TNIP3: variants seen among roughly 807,000 people sequenced by gnomAD.
The protein encoded by TNIP3 is TNFAIP3 interacting protein 3.
Under a neutral mutation model 54.1 loss-of-function variants are expected in TNIP3, and 34 were observed. The observed-to-expected ratio is 0.63, with a 90% confidence interval of 0.48 to 0.84. The LOEUF is 0.84. Among genes scored for constraint, TNIP3 ranks in the 40% least tolerant of loss-of-function variants. The pLI is 0.00. For missense variants in TNIP3, 366 were observed against 387.6 expected, an observed-to-expected ratio of 0.94 and a Z score of 0.47; for synonymous variants, 134 against 136.8, an observed-to-expected ratio of 0.98 and a Z score of 0.14.
intron 2 of TNIP3, among the ~76,000 whole-genome samples, chr4:121,202,201 G>A (rs897298945): frequency 1.3e-5 from 2 of 152,042 alleles, no homozygotes; most frequent in Non-Finnish European, 2.9e-5. Context: ...GCATGGTACT[G>A]GTATAAAAAT....
At chr4:121,200,987 C>T (rs1176578988) in intron 2 of TNIP3, among the ~76,000 whole-genome samples, 1 of 152,086 alleles carries the variant, frequency 6.6e-6, no homozygotes, top group African/African-American at 2.4e-5. Context: ...TGGTAAGATA[C>T]TCTGAATATT....
chr4:121,164,239 C>A lies in TNIP3; in HGVS notation c.-114G>T. The A allele has an allele frequency of 1.3e-6, 2 of 1,540,678 alleles. No individual in the cohort carries two copies. The highest frequency in any genetic ancestry group is 2.3e-5 in the East Asian group (1 of 42,742). On this transcript the variant is annotated 5_prime_UTR_variant, in exon 1 of 11. Transcript: ENST00000057513. Reference sequence around the variant, plus strand: ...ACAAAATTTAAAAAACACACATCACCGTTAACTCATAATAGAAAATAACAG... The same window carrying A: ...ACAAAATTTAAAAAACACACATCACAGTTAACTCATAATAGAAAATAACAG...
intron 8 of TNIP3, among the ~76,000 whole-genome samples, chr4:121,142,352 A>G (rs773303140): frequency 7.2e-5 from 11 of 152,190 alleles, no homozygotes; most frequent in Non-Finnish European, 1.6e-4. Context: ...ATGGGATAGA[A>G]TGCTTCAGTG....
intron 2 of TNIP3, among the ~76,000 whole-genome samples, chr4:121,199,806 G>T (rs1233114053): frequency 1.3e-5 from 2 of 152,212 alleles, no homozygotes; most frequent in Non-Finnish European, 2.9e-5. Context: ...AGTGGCATCA[G>T]AGTAGGTAAC....
At chr4:121,183,712 G>C (rs1433830401) in intron 2 of TNIP3, among the ~76,000 whole-genome samples, 2 of 151,970 alleles carry the variant, frequency 1.3e-5, no homozygotes, top group African/African-American at 4.8e-5. Context: ...ACATGTGAGG[G>C]GTCTAGGTTG....
chr4:121,181,523 T>C (rs1480113834), intron 3 of TNIP3, among the ~76,000 whole-genome samples: 6 of 152,096 alleles, frequency 3.9e-5, no homozygotes, highest in Non-Finnish European at 5.9e-5. Flanking sequence ...AAAAAGTGAC[T>C]AAATGCAGAA....
intron 2 of TNIP3, among the ~76,000 whole-genome samples, chr4:121,202,228 G>A (rs1725930776): frequency 1.3e-5 from 2 of 152,218 alleles, no homozygotes; most frequent in East Asian, 1.9e-4. Flanking sequence ...ATAGACCAAG[G>A]GAACAGAATA....
At position 121,131,770 on chromosome 4, in the gene TNIP3, G is replaced by A. The variant is rs1178244956; in HGVS notation, c.*861C>T. 2.6e-5 allele frequency: 4 copies of A among 151,894 alleles called. No individual in the cohort carries two copies. In the South Asian group the frequency reaches 6.3e-4, roughly 24 times the overall value. 9.4% of individuals were successfully genotyped at this position (151,894 alleles called of 1,614,324 possible). On this transcript the variant is annotated 3_prime_UTR_variant, in exon 11 of 11. Coordinates refer to ENST00000057513, the MANE Select transcript of TNIP3 (RefSeq NM_024873.6). ...CGCCTCAAGCCTCCTGAGTAGCTGG[G>A]TTTATAGGTGTGTGCCACGAGCCTG...
chr4:121,136,890 T>G (rs1398160042), intron 10 of TNIP3, among the ~76,000 whole-genome samples: 4 of 147,072 alleles, frequency 2.7e-5, no homozygotes, highest in Admixed American at 2.7e-4. Context: ...CTTAGGTTGG[T>G]ACATCATGGA....
At chr4:121,209,822 A>G (rs1726384091) in intron 2 of TNIP3, among the ~76,000 whole-genome samples, 1 of 152,178 alleles carries the variant, frequency 6.6e-6, no homozygotes, top group African/African-American at 2.4e-5. Context: ...ACAAATATTT[A>G]TTGAAGTTTG....
chr4:121,152,338 C>T (rs1213615528), intron 5 of TNIP3, among the ~76,000 whole-genome samples: 1 of 152,116 alleles, frequency 6.6e-6, no homozygotes, highest in African/African-American at 2.4e-5. Flanking sequence ...GGTACCAAAA[C>T]CCATCTTAAA....
chr4:121,139,443 A>G (rs1236677252), intron 9 of TNIP3, among the ~76,000 whole-genome samples: 1 of 152,196 alleles, frequency 6.6e-6, no homozygotes, highest in Non-Finnish European at 1.5e-5. Context: ...TCTCAGCTTT[A>G]CCTGCCCACA....
intron 2 of TNIP3, among the ~76,000 whole-genome samples, chr4:121,194,849 GAA>G (rs564026329): frequency 9.4e-4 from 119 of 126,144 alleles, no homozygotes; most frequent in Non-Finnish European, 1.6e-3. Flanking sequence ...ATGAACAATA[GAA>G]AAAAAAAAGT....
chr4:121,157,359 A>C, intron 3 of TNIP3, 116 bp from the exon 4 acceptor site: 5 of 1,343,308 alleles, frequency 3.7e-6, no homozygotes, highest in Non-Finnish European at 5.2e-6. Context: ...ACGTCCCCTA[A>C]GGAGAGGTTC....
At chr4:121,182,843 A>G (rs1337174353) in intron 2 of TNIP3, 2 of 1,529,130 alleles carry the variant, frequency 1.3e-6, no homozygotes, top group African/African-American at 2.8e-5. Flanking sequence ...AGGTAATTAA[A>G]AATTATTCAG....
intron 9 of TNIP3, among the ~76,000 whole-genome samples, chr4:121,140,145 G>A (rs1225838050): frequency 6.6e-6 from 1 of 151,926 alleles, no homozygotes; most frequent in Non-Finnish European, 1.5e-5. Context: ...ACCAGCCTGG[G>A]CAATATGGTG....
chr4:121,166,433 C>T (rs1730770965), upstream of TNIP3, among the ~76,000 whole-genome samples: 1 of 152,196 alleles, frequency 6.6e-6, no homozygotes. Context: ...CATTGTGCCA[C>T]ATATTTTAAG....
At chr4:121,198,147 GT>G (rs1183916394) in intron 2 of TNIP3, among the ~76,000 whole-genome samples, 138 of 139,400 alleles carry the variant, frequency 9.9e-4, no homozygotes, top group Middle Eastern at 3.8e-3. Context: ...TTTCATTCTT[GT>G]TTTTTTTTTT....
chr4:121,227,033 T>C (rs1227558676), intron 1 of TNIP3, among the ~76,000 whole-genome samples: 1 of 152,216 alleles, frequency 6.6e-6, no homozygotes, highest in Non-Finnish European at 1.5e-5. Context: ...TTATTATTTA[T>C]AGGATTTTTA....
Sources: allele counts gnomAD v4.1 joint callset (sites outside exome capture counted in the v4.1 genomes callset), GRCh38; gene constraint gnomAD v4.1.1; transcripts MANE v1.5; gene names NCBI Gene and HGNC (gene_info 2026-07-23, HGNC 2026-07-21).